BCKDHB: variants seen among roughly 807,000 people sequenced by gnomAD.
BCKDHB encodes the protein 2-oxoisovalerate dehydrogenase subunit beta, mitochondrial.
Under a neutral mutation model 48.5 loss-of-function variants are expected in BCKDHB, and 41 were observed. The ratio of observed to expected loss-of-function variants is 0.85; its 90% CI spans 0.66 to 1.10. BCKDHB has a LOEUF of 1.10. Ranked by LOEUF, BCKDHB falls within the 50% of genes least tolerant of loss-of-function variation. The pLI, the probability that BCKDHB is intolerant of heterozygous loss-of-function variation, is 0.00. For missense variants in BCKDHB, 496 were observed against 494.2 expected (o/e 1.00, Z -0.03); for synonymous variants, 201 against 174.8 (o/e 1.15, Z -1.18).
intron 9 of BCKDHB, among the ~76,000 whole-genome samples, chr6:80,342,365 ATAT>A (rs1769950122): frequency 6.6e-6 from 1 of 152,052 alleles, no homozygotes; most frequent in Non-Finnish European, 1.5e-5. Flanking sequence ...GTTAAAAGTA[ATAT>A]TATTTTCCTT....
chr6:80,350,742 A>G (rs1005049083), downstream of BCKDHB, among the ~76,000 whole-genome samples: 1 of 152,228 alleles, frequency 6.6e-6, no homozygotes, highest in Non-Finnish European at 1.5e-5. Flanking sequence ...CAGTGGCTAT[A>G]AAGAATTAGA....
At position 80,248,698 on chromosome 6, in the gene BCKDHB, A is replaced by G. The variant is rs118182934; in HGVS notation, c.952-24437A>G. ...GTTAGCTTTGCATGTGGGAAAGTTT[A>G]AGGTATCCAGTGGCTGGTGTGGTAC... is the stretch of plus-strand genomic sequence containing the variant. On this transcript the variant is annotated intron_variant, in intron 8 of 9. Coordinates refer to ENST00000320393, the MANE Select transcript of BCKDHB (RefSeq NM_183050.4). 3.9e-5 allele frequency among the ~76,000 whole-genome samples: 6 copies of G among 152,262 alleles called. No homozygotes were observed. In the East Asian group the frequency reaches 1.2e-3, roughly 29 times the overall value.
At chr6:80,404,620 G>A in the BCKDHB span, among the ~76,000 whole-genome samples, 1 of 151,588 alleles carries the variant, frequency 6.6e-6, no homozygotes, top group Non-Finnish European at 1.5e-5. Context: ...AGCTTAGTTT[G>A]TTCTTCTTTA....
chr6:80,217,995 C>G (rs1775248713), intron 8 of BCKDHB, among the ~76,000 whole-genome samples: 1 of 152,170 alleles, frequency 6.6e-6, no homozygotes, highest in African/African-American at 2.4e-5. Context: ...AGCCAAGAGA[C>G]ATAGTGCATG....
the BCKDHB span, among the ~76,000 whole-genome samples, chr6:80,375,118 A>G: frequency 6.6e-6 from 1 of 152,164 alleles, no homozygotes; most frequent in Non-Finnish European, 1.5e-5. Flanking sequence ...TAACCTGATG[A>G]CTATGTGTCT....
intron 8 of BCKDHB, among the ~76,000 whole-genome samples, chr6:80,221,966 T>G (rs1364902904): frequency 6.6e-6 from 1 of 152,148 alleles, no homozygotes; most frequent in African/African-American, 2.4e-5. Flanking sequence ...TTAAAACGTT[T>G]TATTTTATTT....
intron 1 of BCKDHB, among the ~76,000 whole-genome samples, chr6:80,109,601 CTTTGT>C (rs1159021206): frequency 2.6e-5 from 4 of 152,068 alleles, no homozygotes; most frequent in Non-Finnish European, 5.9e-5. Flanking sequence ...GCTAACTGTA[CTTTGT>C]TTTAATTTTT....
chr6:80,454,418 T>C, the BCKDHB span, among the ~76,000 whole-genome samples: 1 of 152,144 alleles, frequency 6.6e-6, no homozygotes, highest in East Asian at 1.9e-4. Context: ...GGCCACACAC[T>C]ACTGAGGTAT....
the BCKDHB span, among the ~76,000 whole-genome samples, chr6:80,415,443 T>G: frequency 6.6e-6 from 1 of 152,252 alleles, no homozygotes; most frequent in South Asian, 2.1e-4. Context: ...TTGAGATGTT[T>G]GTTAAATACC....
chr6:80,185,630 C>A (rs1392539510), intron 6 of BCKDHB, among the ~76,000 whole-genome samples: 3 of 152,188 alleles, frequency 2.0e-5, no homozygotes, highest in East Asian at 3.9e-4. Flanking sequence ...ATGTGATGTT[C>A]TCCCCTTCAC....
intron 8 of BCKDHB, among the ~76,000 whole-genome samples, chr6:80,242,411 G>T (rs1174132828): frequency 1.3e-5 from 2 of 152,092 alleles, no homozygotes; most frequent in Admixed American, 6.6e-5. Context: ...TAATAAATTT[G>T]AATATCTGAT....
chr6:80,266,679 A>G (rs1777529190), intron 8 of BCKDHB, among the ~76,000 whole-genome samples: 1 of 152,092 alleles, frequency 6.6e-6, no homozygotes, highest in Non-Finnish European at 1.5e-5. Flanking sequence ...GAGTTGGCCC[A>G]GGGCAGTCCT....
chr6:80,196,903 T>A lies in BCKDHB; in HGVS notation c.743-4031T>A, dbSNP rs556810968. Among the ~76,000 whole-genome samples, 4 of 152,330 alleles carry A rather than the reference T, an allele frequency of 2.6e-5. No individual in the cohort carries two copies. In the East Asian group the frequency reaches 7.7e-4, roughly 29 times the overall value. ...CTATCCTGTTTGATATTTGCATTTT[T>A]ACAATTTTGGCCTTGAAAAGATTTC... is the stretch of plus-strand genomic sequence containing the variant. On this transcript the variant is annotated intron_variant, in intron 6 of 9. Coordinates refer to ENST00000320393, the MANE Select transcript of BCKDHB (RefSeq NM_183050.4).
chr6:80,350,281 T>A (rs9352828), downstream of BCKDHB, among the ~76,000 whole-genome samples: 10,135 of 151,888 alleles, frequency 0.067, 366 homozygotes, highest in East Asian at 0.11. Context: ...ACCGAAGATA[T>A]AAGAATGCGA....
chr6:80,301,925 C>CA (rs531722406), intron 9 of BCKDHB, among the ~76,000 whole-genome samples: 24 of 151,734 alleles, frequency 1.6e-4, no homozygotes, highest in African/African-American at 3.4e-4. Flanking sequence ...TCAGTAGATG[C>CA]AAAAAAAACT....
At chr6:80,134,383 C>A (rs1770780981) in intron 3 of BCKDHB, among the ~76,000 whole-genome samples, 2 of 152,034 alleles carry the variant, frequency 1.3e-5, no homozygotes, top group African/African-American at 4.8e-5. Flanking sequence ...ATTGTATAAC[C>A]AGATACTTTA....
the BCKDHB span, chr6:80,466,042 T>C: frequency 6.6e-6 from 1 of 152,212 alleles, no homozygotes; most frequent in African/African-American, 2.4e-5. Flanking sequence ...GTCGTAATTA[T>C]CTACTTTTGA....
the BCKDHB span, chr6:80,374,274 T>C: frequency 2.4e-6 from 2 of 839,398 alleles, no homozygotes. Flanking sequence ...ACCATTACTG[T>C]CTGCATTTTT....
rs760315654 is a variant in BCKDHB at position 80,308,423 on chromosome 6, TTTA to T, written c.1038+35209_1038+35211del. Among the ~76,000 whole-genome samples, 33 of 152,166 alleles carry T rather than the reference TTTA, an allele frequency of 2.2e-4. 1 individual carries two copies. The highest frequency in any genetic ancestry group is 1.8e-3 in the Admixed American group (27 of 15,270). Reference sequence around the variant, plus strand: ...AAAAGAGCAAAAATACCCCTAAACATTTATTATTAATGTAAAGTGTGTTCAAAC... The same window carrying T: ...AAAAGAGCAAAAATACCCCTAAACATTTATTAATGTAAAGTGTGTTCAAAC... On this transcript the variant is annotated intron_variant, in intron 9 of 9. Transcript: ENST00000320393.
Sources: allele counts gnomAD v4.1 joint callset (sites outside exome capture counted in the v4.1 genomes callset), GRCh38; gene constraint gnomAD v4.1.1; transcripts MANE v1.5; gene names NCBI Gene and HGNC (gene_info 2026-07-23, HGNC 2026-07-21).